Variants in MED12L observed in about 807,000 individuals in gnomAD.
The protein encoded by MED12L is mediator complex subunit 12L, also known as mediator of RNA polymerase II transcription subunit 12-like protein.
A neutral mutation model predicts 281.3 loss-of-function variants in MED12L; 60 were observed. That is an observed-to-expected ratio of 0.21 (90% CI 0.17 to 0.26). MED12L has a LOEUF of 0.26. Ranked by LOEUF, MED12L falls within the 10% of genes least tolerant of loss-of-function variation. The probability of loss-of-function intolerance (pLI) is 1.00; values close to 1 mark genes in which losing one functional copy is unlikely to be tolerated. For missense variants in MED12L, 2,146 were observed against 2,680.9 expected, an observed-to-expected ratio of 0.80 and a Z score of 4.41; for synonymous variants, 974 against 987.2, an observed-to-expected ratio of 0.99 and a Z score of 0.25.
chr3:151,207,696 G>A (rs1249520885), intron 16 of MED12L, among the ~76,000 whole-genome samples: 3 of 146,070 alleles, frequency 2.1e-5, no homozygotes, highest in African/African-American at 7.5e-5. Flanking sequence ...GAGAGAAAGT[G>A]GAAGGTGAGA....
chr3:151,188,851 C>T (rs1261935963), intron 13 of MED12L, among the ~76,000 whole-genome samples: 2 of 152,174 alleles, frequency 1.3e-5, no homozygotes, highest in East Asian at 1.9e-4. Context: ...AATCAAGCAA[C>T]AGTACTCTAT....
chr3:151,269,904 G>T, intron 16 of MED12L: 1 of 457,458 alleles, frequency 2.2e-6, no homozygotes, highest in South Asian at 1.6e-5. Flanking sequence ...TTTACTGACC[G>T]TTCTGATGCA....
chr3:151,297,785 T>C (rs1159142984), intron 16 of MED12L, among the ~76,000 whole-genome samples: 1 of 152,168 alleles, frequency 6.6e-6, no homozygotes, highest in African/African-American at 2.4e-5. Context: ...ATATTGATGA[T>C]GATTTTGCCT....
rs1722066786 is a variant in MED12L, at chr3:151,176,496, A to G, written c.1495-8834A>G. 2.6e-5 allele frequency among the ~76,000 whole-genome samples: 4 copies of G among 152,216 alleles called. No individual in the cohort carries two copies. The South Asian group carries it at 8.3e-4, about 32-fold the overall frequency. On this transcript the variant is annotated intron_variant, in intron 11 of 44. Coordinates refer to ENST00000687756, the MANE Select transcript of MED12L (RefSeq NM_001393769.1). ...GGACATAAATGAAATTGCTCTATGC[A>G]TAATATTCTACAGGATTTTTTTTCT...
rs114716416 is a variant in MED12L, at chr3:151,357,109, A to G, written c.2662-104A>G. 2.0e-4 allele frequency: 188 copies of G among 949,350 alleles called. 1 individual carries two copies. The African/African-American group carries it at 2.8e-3, about 14-fold the overall frequency. 58.8% of individuals were successfully genotyped at this position (949,350 alleles called of 1,614,324 possible). On this transcript the variant is annotated intron_variant, in intron 19 of 44. Transcript: ENST00000687756. ...TAAAAAAGTTAAATTTAGGGAATGT[A>G]TTTGTAGTGTAATGACTCAGTATAT...
rs1328571179 is a variant in MED12L, at chr3:151,434,294, T to G, written c.*1490T>G. The G allele has an allele frequency of 2.0e-5, 3 of 152,198 alleles. No individual in the cohort carries two copies. Among genetic ancestry groups the G allele is most frequent in the African/African-American group, 7.2e-5 (3 of 41,440 alleles). 9.4% of individuals were successfully genotyped at this position (152,198 alleles called of 1,614,324 possible). On this transcript the variant is annotated 3_prime_UTR_variant, in exon 45 of 45. Transcript: ENST00000687756. ...TGCAAATCATTATCTATAAATAATT[T>G]ATATCTTCCTGGGTGAGTTACTCAT... is the stretch of plus-strand genomic sequence containing the variant.
rs113568955 is a variant in MED12L, at chr3:151,344,388, C to T, written c.2251-5671C>T. Among the ~76,000 whole-genome samples, 1,036 of 152,124 alleles carry T rather than the reference C, an allele frequency of 6.8e-3. 10 individuals carry two copies. The highest frequency in any genetic ancestry group is 0.024 in the South Asian group (114 of 4,818). On this transcript the variant is annotated intron_variant, in intron 16 of 44. Transcript: ENST00000687756. Reference sequence around the variant, plus strand: ...CCCATTCTTCCTCCCAGGCTCGAAGCTTATTCCTGATGGAACATTTATATG... The same window carrying T: ...CCCATTCTTCCTCCCAGGCTCGAAGTTTATTCCTGATGGAACATTTATATG...
At chr3:151,118,765 C>T (rs919020342) in intron 3 of MED12L, among the ~76,000 whole-genome samples, 1 of 151,948 alleles carries the variant, frequency 6.6e-6, no homozygotes, top group African/African-American at 2.4e-5. Context: ...GCAATCTTCG[C>T]TCACTGCAAC....
At chr3:151,181,576 C>CTTTTTTTTTTTT (rs57658133) in intron 11 of MED12L, among the ~76,000 whole-genome samples, 1 of 47,078 alleles carries the variant, frequency 2.1e-5, no homozygotes, top group African/African-American at 7.1e-5. Flanking sequence ...AGCTCATTGT[C>CTTTTTTTTTTTT]TTTTTTTTTT....
intron 11 of MED12L, among the ~76,000 whole-genome samples, chr3:151,181,753 T>A (rs975821693): frequency 4.6e-5 from 7 of 151,842 alleles, no homozygotes; most frequent in Admixed American, 3.3e-4. Context: ...ACCTGGCTAA[T>A]TTTTGTATTT....
chr3:151,167,132 G>T (rs1268117681), intron 11 of MED12L, among the ~76,000 whole-genome samples: 1 of 152,148 alleles, frequency 6.6e-6, no homozygotes, highest in Non-Finnish European at 1.5e-5. Flanking sequence ...CAAACAACTG[G>T]ATACAATAGC....
At chr3:151,260,966 G>A (rs540518881) in intron 16 of MED12L, among the ~76,000 whole-genome samples, 1 of 151,636 alleles carries the variant, frequency 6.6e-6, no homozygotes, top group South Asian at 2.1e-4. Flanking sequence ...TTTCCTTGAT[G>A]GTGTGGATGT....
At chr3:151,090,987 G>A (rs866038481) in intron 2 of MED12L, among the ~76,000 whole-genome samples, 18 of 152,220 alleles carry the variant, frequency 1.2e-4, no homozygotes, top group African/African-American at 4.1e-4. Flanking sequence ...GTTGCAGTGA[G>A]CCGAGATTGT....
intron 2 of MED12L, among the ~76,000 whole-genome samples, chr3:151,098,587 T>G (rs1391525458): frequency 1.3e-5 from 2 of 152,218 alleles, no homozygotes; most frequent in Non-Finnish European, 2.9e-5. Flanking sequence ...TTACATGGTC[T>G]TCTCCACTTT....
chr3:151,108,261 A>AGGGGGGGGGGTGGGGG (rs1158019241), intron 2 of MED12L, among the ~76,000 whole-genome samples: 1 of 61,972 alleles, frequency 1.6e-5, no homozygotes, highest in African/African-American at 6.2e-5. Context: ...GGTGGGTGGG[A>AGGGGGGGGGGTGGGGG]GGGGGGTTGT....
At chr3:151,106,610 T>G (rs1722102604) in intron 2 of MED12L, among the ~76,000 whole-genome samples, 1 of 152,178 alleles carries the variant, frequency 6.6e-6, no homozygotes, top group Non-Finnish European at 1.5e-5. Context: ...TGCATTCCAC[T>G]TCCTGCTACT....
intron 16 of MED12L, among the ~76,000 whole-genome samples, chr3:151,208,092 G>A (rs1726612822): frequency 6.6e-6 from 1 of 152,092 alleles, no homozygotes; most frequent in African/African-American, 2.4e-5. Flanking sequence ...TGGAAATGCT[G>A]GTTTTCTTAT....
intron 5 of MED12L, among the ~76,000 whole-genome samples, chr3:151,136,572 G>A (rs1560082872): frequency 6.6e-6 from 1 of 152,318 alleles, no homozygotes; most frequent in East Asian, 1.9e-4. Flanking sequence ...CCAATAGAAG[G>A]AATGGGGCTA....
At chr3:151,145,324 G>C (rs997190059) in intron 5 of MED12L, among the ~76,000 whole-genome samples, 2 of 152,194 alleles carry the variant, frequency 1.3e-5, no homozygotes, top group African/African-American at 4.8e-5. Flanking sequence ...AAACTGGTCT[G>C]TCCCCAGGAT....
Sources: allele counts gnomAD v4.1 joint callset (sites outside exome capture counted in the v4.1 genomes callset), GRCh38; gene constraint gnomAD v4.1.1; transcripts MANE v1.5; gene names NCBI Gene and HGNC (gene_info 2026-07-23, HGNC 2026-07-21).